The following NCKAP1L variants were observed in gnomAD, a reference collection of about 807,000 sequenced individuals.
The protein encoded by NCKAP1L is NCK associated protein 1 like, also known as nck-associated protein 1-like.
NCKAP1L carries 53 observed loss-of-function variants against 139.2 expected under a neutral mutation model. That is an observed-to-expected ratio of 0.38 (90% CI 0.31 to 0.48). NCKAP1L has a LOEUF of 0.48. Ranked by LOEUF, NCKAP1L falls within the 20% of genes least tolerant of loss-of-function variation. The pLI is 0.98. For missense variants in NCKAP1L, 1,151 were observed against 1,381.9 expected (o/e 0.83, Z 2.65); for synonymous variants, 468 against 499.7 (o/e 0.94, Z 0.85).
At chr12:54,519,406 C>A (rs576777957) in intron 16 of NCKAP1L, 74 bp downstream of exon 16, 54 of 1,001,478 alleles carry the variant, frequency 5.4e-5, no homozygotes, top group South Asian at 2.0e-4. Context: ...CATTATGCCA[C>A]TTACTTCAAA....
intron 15 of NCKAP1L, 60 bp from the exon 16 acceptor site, chr12:54,519,127 G>A (rs1956959543): frequency 6.4e-7 from 1 of 1,560,586 alleles, no homozygotes; most frequent in South Asian, 1.2e-5. Flanking sequence ...GTAATTCCAA[G>A]GCTGGGGGCC....
Position 54,516,999 on chromosome 12 carries a change from G to A in NCKAP1L, c.1095+7G>A, listed in dbSNP as rs75391935. 1.6e-3 allele frequency: 2,565 copies of A among 1,609,214 alleles called. 36 individuals are homozygous for A. The African/African-American group carries it at 0.03, about 19-fold the overall frequency. Reference sequence around the variant, plus strand: ...GGGACTACTGGGTCCTAAGGCAAGAGGAAGAAATGTTGGGAGGGGAATGAT... The same window carrying A: ...GGGACTACTGGGTCCTAAGGCAAGAAGAAGAAATGTTGGGAGGGGAATGAT... On this transcript the variant is annotated splice_region_variant and intron_variant, in intron 11 of 30. Coordinates refer to ENST00000293373, the MANE Select transcript of NCKAP1L (RefSeq NM_005337.5).
chr12:54,505,526 G>T (rs1956833126), intron 3 of NCKAP1L, among the ~76,000 whole-genome samples: 1 of 150,480 alleles, frequency 6.6e-6, no homozygotes, highest in Non-Finnish European at 1.5e-5. Flanking sequence ...TTCTAGAATA[G>T]ATTTTTCTTT....
At chr12:54,523,274 A>G in intron 18 of NCKAP1L, 120 bp from the exon 19 acceptor site, 1 of 1,179,746 alleles carries the variant, frequency 8.5e-7, no homozygotes, top group Non-Finnish European at 1.2e-6. Flanking sequence ...GGAAGGAAAG[A>G]GAGAGGAAGG....
Position 54,531,555 on chromosome 12 carries a change from T to G in NCKAP1L, c.2669T>G (p.Leu890Trp). 6.2e-7 allele frequency: 1 copy of G among 1,614,226 alleles called. No individual in the cohort carries two copies. The highest frequency in any genetic ancestry group is 8.5e-7 in the Non-Finnish European group (1 of 1,180,042). Residue 890 changes from leucine (L) to tryptophan (W), a missense_variant, in exon 24 of 31, where the codon TTG (leucine) becomes TGG (tryptophan). Coordinates refer to ENST00000293373, the MANE Select transcript of NCKAP1L (RefSeq NM_005337.5). The stretch of plus-strand genomic sequence containing the variant: ...AGATCCAACTTTAGCAAGCCGGACT[T>G]GATGGCTTCCCTGCTGCCCCAGCTG... ...QIRSNFSKPD[L>W]MASLLPQLTG... is the part of the protein sequence containing the mutation.
chr12:54,516,679 C>A (rs1226575877), intron 10 of NCKAP1L, among the ~76,000 whole-genome samples: 1 of 152,168 alleles, frequency 6.6e-6, no homozygotes, highest in Non-Finnish European at 1.5e-5. Flanking sequence ...CTCCTGACCT[C>A]AGGTGATCTG....
In NCKAP1L at chr12:54,547,900, G is replaced by A. The variant is rs1957211989; in HGVS notation, c.*5215G>A. ...AAAAGCCAAGGGATGTGTGCTAAAG[G>A]TAGATGGACAGAGGGTGGGAAGTCC... On this transcript the variant is annotated 3_prime_UTR_variant, in exon 31 of 31. Coordinates refer to ENST00000293373, the MANE Select transcript of NCKAP1L (RefSeq NM_005337.5). The A allele has an allele frequency of 6.6e-6, 1 of 152,146 alleles. No individual in the cohort carries two copies. The highest frequency in any genetic ancestry group is 1.5e-5 in the Non-Finnish European group (1 of 68,024). 9.4% of individuals were successfully genotyped at this position (152,146 alleles called of 1,614,324 possible). A position where few individuals can be genotyped will look rare whatever the true frequency, so the allele number is the denominator to read the frequency against.
At chr12:54,509,483 G>A (rs1259779476) in intron 5 of NCKAP1L, among the ~76,000 whole-genome samples, 186 bp from the exon 6 acceptor site, 1 of 152,138 alleles carries the variant, frequency 6.6e-6, no homozygotes, top group Non-Finnish European at 1.5e-5. Context: ...GTTCTATTTA[G>A]CCATAGCTTA....
At chr12:54,513,420 T>C (rs1956904388) in intron 9 of NCKAP1L, among the ~76,000 whole-genome samples, 2 of 152,074 alleles carry the variant, frequency 1.3e-5, no homozygotes, top group African/African-American at 4.8e-5. Flanking sequence ...GATTGCTGAG[T>C]TGGTAGTTAA....
At chr12:54,506,796 A>AAAAAAAAATATATATATATAT in intron 3 of NCKAP1L, among the ~76,000 whole-genome samples, 3 of 50,606 alleles carry the variant, frequency 5.9e-5, no homozygotes, top group Non-Finnish European at 9.1e-5. Context: ...AAAAAAAAAA[A>AAAAAAAAATATATATATATAT]ATATATATAT....
chr12:54,535,141 G>A lies in NCKAP1L; in HGVS notation c.2900G>A (p.Gly967Asp). 1 of 1,613,744 alleles carries A rather than the reference G, an allele frequency of 6.2e-7. No homozygotes were observed. The highest frequency in any genetic ancestry group is 8.5e-7 in the Non-Finnish European group (1 of 1,179,808). The change falls in exon 27 of 31, where the codon GGT (glycine) becomes GAT (aspartate). Residue 967 changes from glycine to aspartate, a missense_variant. Coordinates refer to ENST00000293373, the MANE Select transcript of NCKAP1L (RefSeq NM_005337.5). ...LSIFELASAA[G>D]VGCDIDPALV... ...ATCTTTGAGCTGGCATCTGCTGCAG[G>A]TGTGGGCTGTGACATTGACCCAGCC...
chr12:54,501,113 A>T (rs1001097125), intron 3 of NCKAP1L, among the ~76,000 whole-genome samples: 1 of 151,940 alleles, frequency 6.6e-6, no homozygotes, highest in African/African-American at 2.4e-5. Context: ...ATAATTCCCC[A>T]TTTCCCTTTC....
chr12:54,510,429 TC>T (rs1401128136), intron 7 of NCKAP1L: 1 of 373,140 alleles, frequency 2.7e-6, no homozygotes, highest in South Asian at 2.0e-5. Flanking sequence ...GCTCAAGTGA[TC>T]CTCCCACTTC....
chr12:54,510,105 GTATGTC>G, intron 7 of NCKAP1L, 120 bp downstream of exon 7: 3 of 1,334,818 alleles, frequency 2.2e-6, no homozygotes, highest in East Asian at 2.3e-5. Context: ...TTCTTCTAGG[GTATGTC>G]TCTAAGTTGA....
Position 54,520,841 on chromosome 12 carries a change from C to T in NCKAP1L, c.1758+15C>T. ...GCCCAGAGGAGGTAGGTATCCTGAT[C>T]TCCAGACCCTGTCATCTTTCTAGTC... On this transcript the variant is annotated intron_variant, in intron 17 of 30. Coordinates refer to ENST00000293373, the MANE Select transcript of NCKAP1L (RefSeq NM_005337.5). The T allele has an allele frequency of 6.2e-7, 1 of 1,614,022 alleles. No homozygotes were observed. Among genetic ancestry groups the T allele is most frequent in the Non-Finnish European group, 8.5e-7 (1 of 1,179,932 alleles).
intron 25 of NCKAP1L, 132 bp from the exon 26 acceptor site, chr12:54,532,038 G>T: frequency 1.3e-6 from 1 of 788,756 alleles, no homozygotes; most frequent in Non-Finnish European, 2.0e-6. Context: ...ATAAGGAGAG[G>T]GATGGCTTGG....
chr12:54,502,723 A>G (rs1000492767), intron 3 of NCKAP1L, among the ~76,000 whole-genome samples: 3 of 147,944 alleles, frequency 2.0e-5, no homozygotes, highest in African/African-American at 7.5e-5. Flanking sequence ...GCTGTGGCTC[A>G]CGCCTGTAAT....
chr12:54,518,356 C>G (rs1263408464), intron 13 of NCKAP1L, among the ~76,000 whole-genome samples: 1 of 151,636 alleles, frequency 6.6e-6, no homozygotes, highest in Non-Finnish European at 1.5e-5. Context: ...AAAAAAAGGT[C>G]CAATCTGCCC....
chr12:54,519,435 T>TTC (rs1956963745), intron 16 of NCKAP1L, 103 bp downstream of exon 16: 4 of 970,028 alleles, frequency 4.1e-6, no homozygotes, highest in Non-Finnish European at 5.5e-6. Context: ...TTTAATTTTT[T>TTC]TTTTTTTTTT....
Sources: allele counts gnomAD v4.1 joint callset (sites outside exome capture counted in the v4.1 genomes callset), GRCh38; gene constraint gnomAD v4.1.1; transcripts MANE v1.5; gene names NCBI Gene and HGNC (gene_info 2026-07-23, HGNC 2026-07-21).